Variants in PACRG observed in about 807,000 individuals in gnomAD.
PACRG encodes parkin coregulated gene protein.
PACRG carries 29 observed loss-of-function variants against 29.7 expected under a neutral mutation model. The observed-to-expected ratio is 0.98, with a 90% CI of 0.73 to 1.33. The LOEUF is 1.33. Ranked by LOEUF, PACRG falls within the 40% of genes most tolerant of loss-of-function variation. The pLI, the probability that PACRG is intolerant of heterozygous loss-of-function variation, is 0.00. For synonymous variants in PACRG, 116 were observed against 118.7 expected, an observed-to-expected ratio of 0.98 and a Z score of 0.15; for missense variants, 279 against 316.2, an observed-to-expected ratio of 0.88 and a Z score of 0.89.
rs918186728 is a variant in PACRG, at chr6:163,162,291, A to G, written c.613+72883A>G. Among the ~76,000 whole-genome samples the G allele has an allele frequency of 4.6e-5, 7 of 152,334 alleles. No homozygotes were observed. In the East Asian group the frequency reaches 9.7e-4, roughly 21 times the overall value. The stretch of plus-strand genomic sequence containing the variant: ...TGATCTTGGAAATCAATGCTCATTA[A>G]TTATCAACGTGGCTAGTAAAGCTCT... On this transcript the variant is annotated intron_variant, in intron 4 of 4. Transcript: ENST00000366888.
chr6:163,285,207 G>A (rs1461115196), intron 4 of PACRG, among the ~76,000 whole-genome samples: 3 of 149,476 alleles, frequency 2.0e-5, no homozygotes, highest in African/African-American at 7.4e-5. Context: ...CAACTCCACC[G>A]GACTCATCTC....
chr6:162,891,700 A>G (rs1443760969), intron 2 of PACRG, among the ~76,000 whole-genome samples: 1 of 152,126 alleles, frequency 6.6e-6, no homozygotes, highest in African/African-American at 2.4e-5. Context: ...AGACAAGCAG[A>G]TAAAAGGCAC....
chr6:162,963,635 T>A (rs1469364051), intron 2 of PACRG, among the ~76,000 whole-genome samples: 1 of 150,854 alleles, frequency 6.6e-6, no homozygotes, highest in African/African-American at 2.4e-5. Context: ...AAAGTATAAA[T>A]TTATAATTAT....
intron 4 of PACRG, among the ~76,000 whole-genome samples, chr6:163,174,637 C>T (rs939461604): frequency 4.6e-5 from 7 of 152,164 alleles, no homozygotes; most frequent in Admixed American, 2.0e-4. Flanking sequence ...ATCCCAGACT[C>T]GTACAGAGTT....
In PACRG at chr6:162,747,378, ATGTATATATATG is replaced by A. The variant is rs1562556704; in HGVS notation, c.156+18989_156+19000del. On this transcript the variant is annotated intron_variant, in intron 1 of 4. Coordinates refer to ENST00000366888, the MANE Select transcript of PACRG (RefSeq NM_001080379.2). ...TATATATATATACACATACATATAT[ATGTATATATATG>A]TATATATATATGTATATATATATAT... Among the ~76,000 whole-genome samples, 13 of 69,464 alleles carry A rather than the reference ATGTATATATATG, an allele frequency of 1.9e-4. 1 individual carries two copies. Among genetic ancestry groups the A allele is most frequent in the African/African-American group, 7.2e-4 (12 of 16,766 alleles). The allele number at this position is 69,464 out of a possible 152,430, so 45.6% of individuals were successfully genotyped here. A position where few individuals can be genotyped will look rare whatever the true frequency, so the allele number is the denominator to read the frequency against.
At chr6:163,077,470 G>T (rs941345340) in intron 3 of PACRG, among the ~76,000 whole-genome samples, 3 of 152,112 alleles carry the variant, frequency 2.0e-5, no homozygotes, top group Non-Finnish European at 4.4e-5. Flanking sequence ...AAAATATTCT[G>T]TTAAGGAAAA....
intron 4 of PACRG, among the ~76,000 whole-genome samples, chr6:163,118,717 G>T (rs1250929301): frequency 1.3e-5 from 2 of 152,118 alleles, no homozygotes; most frequent in Non-Finnish European, 2.9e-5. Flanking sequence ...TTTCTAACTG[G>T]TTTGACTTAA....
intron 4 of PACRG, among the ~76,000 whole-genome samples, chr6:163,308,518 T>C (rs545933979): frequency 6.6e-6 from 1 of 152,134 alleles, no homozygotes; most frequent in African/African-American, 2.4e-5. Context: ...ATACAAAAAT[T>C]AGCTGGGCAT....
At chr6:163,277,845 G>A (rs529708249) in intron 4 of PACRG, among the ~76,000 whole-genome samples, 3 of 151,948 alleles carry the variant, frequency 2.0e-5, no homozygotes, top group African/African-American at 7.2e-5. Context: ...CCTTTGGGTA[G>A]GTACCTAATA....
chr6:162,878,729 C>T (rs575547168), intron 2 of PACRG, among the ~76,000 whole-genome samples: 43 of 152,296 alleles, frequency 2.8e-4, no homozygotes, highest in South Asian at 2.3e-3. Context: ...ACATAAGGGA[C>T]AAATTTAAAA....
At chr6:162,968,931 C>T (rs1307431662) in intron 2 of PACRG, among the ~76,000 whole-genome samples, 1 of 151,686 alleles carries the variant, frequency 6.6e-6, no homozygotes, top group Admixed American at 6.6e-5. Context: ...CCTGTAATCC[C>T]AGCTACTCAG....
At chr6:163,126,091 G>T (rs1332333490) in intron 4 of PACRG, among the ~76,000 whole-genome samples, 2 of 152,186 alleles carry the variant, frequency 1.3e-5, no homozygotes, top group East Asian at 3.8e-4. Context: ...GTATATCCTA[G>T]TAACAGCATA....
At chr6:163,074,398 G>C (rs536975928) in intron 3 of PACRG, among the ~76,000 whole-genome samples, 7 of 152,284 alleles carry the variant, frequency 4.6e-5, no homozygotes, top group Admixed American at 4.6e-4. Flanking sequence ...TGGAGATAGA[G>C]AGTAGAAGGA....
At chr6:163,237,451 TTA>T (rs1156452821) in intron 4 of PACRG, among the ~76,000 whole-genome samples, 1 of 152,198 alleles carries the variant, frequency 6.6e-6, no homozygotes, top group African/African-American at 2.4e-5. Context: ...TGACTAGATG[TTA>T]TTAAATAGGG....
chr6:162,969,305 G>C (rs1416667361), intron 2 of PACRG, among the ~76,000 whole-genome samples: 5 of 152,018 alleles, frequency 3.3e-5, no homozygotes, highest in Admixed American at 6.6e-5. Context: ...CGTTTCAAGG[G>C]ATTGGTGAGA....
chr6:162,947,616 A>G (rs1347933423), intron 2 of PACRG, among the ~76,000 whole-genome samples: 1 of 28,304 alleles, frequency 3.5e-5, no homozygotes, highest in African/African-American at 1.6e-4. Flanking sequence ...ATAATCATAT[A>G]TATATATATA....
rs71008110 is a variant in PACRG, at chr6:162,773,494, A to ATTTTTTTTT, written c.157-40630_157-40622dup. 3.6e-4 allele frequency among the ~76,000 whole-genome samples: 24 copies of ATTTTTTTTT among 66,024 alleles called. 1 individual carries two copies. Among genetic ancestry groups the ATTTTTTTTT allele is most frequent in the East Asian group, 6.3e-4 (1 of 1,594 alleles). The allele number at this position is 66,024 out of a possible 152,430, so 43.3% of individuals were successfully genotyped here. On this transcript the variant is annotated intron_variant, in intron 1 of 4. Coordinates refer to ENST00000366888, the MANE Select transcript of PACRG (RefSeq NM_001080379.2). Reference sequence around the variant, plus strand: ...ATATTTGGTATTTTTACAGCTTGTCATTTTTTTTTTTTTTTTTTTTTTTTT... The same window carrying ATTTTTTTTT: ...ATATTTGGTATTTTTACAGCTTGTCATTTTTTTTTTTTTTTTTTTTTTTTTTTTTTTTTT...
Position 163,082,444 on chromosome 6 carries a change from A to T in PACRG, c.464-6815A>T, listed in dbSNP as rs1331264545. Among the ~76,000 whole-genome samples, 7 of 152,340 alleles carry T rather than the reference A, an allele frequency of 4.6e-5. No homozygotes were observed. In the East Asian group the frequency reaches 1.2e-3, roughly 25 times the overall value. On this transcript the variant is annotated intron_variant, in intron 3 of 4. Transcript: ENST00000366888. Reference sequence around the variant, plus strand: ...AGAATATTGAGAAAGAACAATGAGAAATAGATTGAATTCTGATCTATTAAA... The same window carrying T: ...AGAATATTGAGAAAGAACAATGAGATATAGATTGAATTCTGATCTATTAAA...
chr6:162,922,438 T>G (rs1416343837), intron 2 of PACRG, among the ~76,000 whole-genome samples: 1 of 151,796 alleles, frequency 6.6e-6, no homozygotes, highest in Non-Finnish European at 1.5e-5. Context: ...GTAAGGAACA[T>G]TCAAATTCTT....
Sources: gnomAD v4.1 joint callset for allele counts (sites outside exome capture counted in the v4.1 genomes callset) on GRCh38, gnomAD v4.1.1 for gene constraint, MANE v1.5 for transcripts, NCBI Gene and HGNC (gene_info 2026-07-23, HGNC 2026-07-21) for gene names.